CNTLN: variants seen among roughly 807,000 people sequenced by gnomAD.
CNTLN encodes centlein, centrosomal protein.
Under a neutral mutation model 180.0 loss-of-function variants are expected in CNTLN, and 212 were observed. The ratio of observed to expected loss-of-function variants is 1.18; its 90% CI spans 1.05 to 1.32. The LOEUF (loss-of-function observed/expected upper bound fraction) is 1.32, where lower values mean the gene tolerates loss of function less well. CNTLN is among the 40% of genes most tolerant of loss of function. CNTLN has a pLI of 0.00. For synonymous variants in CNTLN, 722 were observed against 563.1 expected (o/e 1.28, Z -3.99); for missense variants, 2,095 against 1,610.9 (o/e 1.30, Z -5.14).
intron 8 of CNTLN, among the ~76,000 whole-genome samples, chr9:17,329,693 A>T (rs957525478): frequency 6.6e-6 from 1 of 151,846 alleles, no homozygotes; most frequent in Non-Finnish European, 1.5e-5. Context: ...GAAAAGGATG[A>T]TGTTTCCCAT....
intron 18 of CNTLN, among the ~76,000 whole-genome samples, chr9:17,422,584 A>G (rs1273333338): frequency 6.6e-6 from 1 of 152,144 alleles, no homozygotes; most frequent in Non-Finnish European, 1.5e-5. Context: ...TATTTTTGTT[A>G]AATATCTCTG....
chr9:17,396,923 GTTC>G (rs1826572249), intron 15 of CNTLN, among the ~76,000 whole-genome samples: 1 of 152,126 alleles, frequency 6.6e-6, no homozygotes. Flanking sequence ...TGTTACCGAG[GTTC>G]TTCTTTCCTT....
At chr9:17,419,453 T>C (rs1405834962) in intron 18 of CNTLN, among the ~76,000 whole-genome samples, 1 of 152,164 alleles carries the variant, frequency 6.6e-6, no homozygotes, top group African/African-American at 2.4e-5. Flanking sequence ...AGCCCCATTC[T>C]TCAGAGCTCC....
intron 23 of CNTLN, among the ~76,000 whole-genome samples, chr9:17,475,856 G>GAGCA (rs1219334066): frequency 7.7e-6 from 1 of 130,164 alleles, no homozygotes; most frequent in Non-Finnish European, 1.6e-5. Context: ...CTGGGTGACA[G>GAGCA]AGCAAGACTC....
chr9:17,334,791 C>A (rs1411899888), intron 10 of CNTLN, among the ~76,000 whole-genome samples: 1 of 151,872 alleles, frequency 6.6e-6, no homozygotes, highest in Non-Finnish European at 1.5e-5. Flanking sequence ...GGGCTATAAA[C>A]CTTCTTATTG....
rs529820679 is a variant in CNTLN at position 17,310,944 on chromosome 9, A to C, written c.1341+1692A>C. On this transcript the variant is annotated intron_variant, in intron 8 of 25. Coordinates refer to ENST00000380647, the MANE Select transcript of CNTLN (RefSeq NM_017738.4). ...TCTTAATATTAATCCCTAGTAAGTT[A>C]ATATATGGCAGATATCTCACTGTGT... Among the ~76,000 whole-genome samples, 68 of 152,224 alleles carry C rather than the reference A, an allele frequency of 4.5e-4. 1 individual carries two copies. Among genetic ancestry groups the C allele is most frequent in the African/African-American group, 1.6e-3 (67 of 41,558 alleles).
chr9:17,526,791 G>A, the CNTLN span, among the ~76,000 whole-genome samples: 2 of 152,028 alleles, frequency 1.3e-5, no homozygotes, highest in African/African-American at 4.8e-5. Flanking sequence ...TGATTATCAT[G>A]CTTTACAAAC....
chr9:17,307,894 G>A (rs1025998933), intron 7 of CNTLN, among the ~76,000 whole-genome samples: 14 of 151,314 alleles, frequency 9.3e-5, no homozygotes, highest in Admixed American at 2.6e-4. Flanking sequence ...AAAACTTACC[G>A]TAGCTGTATA....
intron 12 of CNTLN, among the ~76,000 whole-genome samples, chr9:17,343,186 AGC>A (rs1821621372): frequency 6.6e-6 from 1 of 152,228 alleles, no homozygotes; most frequent in South Asian, 2.1e-4. Flanking sequence ...TATTATATTC[AGC>A]CTGGCAAAGA....
intron 3 of CNTLN, among the ~76,000 whole-genome samples, chr9:17,229,030 A>G (rs16935412): frequency 0.083 from 12,684 of 152,070 alleles, 706 homozygotes; most frequent in East Asian, 0.18. Flanking sequence ...AGATGTGGGT[A>G]TTTAATAGTT....
In CNTLN at chr9:17,340,944, G is replaced by A. The variant is rs1472693834; in HGVS notation, c.1762G>A (p.Gly588Ser). ...EQLKQWEEGS[G>S]MTEIRKIKRA... ...ATTAAAACAGTGGGAAGAAGGCAGT[G>A]GCATGTGAGTTACATAGCTCATAAA... The change falls in exon 11 of 26, where the codon GGC becomes AGC. Residue 588 changes from glycine (G) to serine (S), a missense_variant. Gly to Ser is a moderately conservative substitution (Grantham distance 56). Transcript: ENST00000380647. 2 of 1,607,850 alleles carry A rather than the reference G, an allele frequency of 1.2e-6. No homozygotes were observed. The highest frequency in any genetic ancestry group is 3.4e-5 in the Admixed American group (2 of 59,246).
chr9:17,187,854 C>T (rs1452366348), intron 2 of CNTLN, among the ~76,000 whole-genome samples: 1 of 151,304 alleles, frequency 6.6e-6, no homozygotes, highest in Non-Finnish European at 1.5e-5. Flanking sequence ...AATATGTAAC[C>T]AGAAGCAGTT....
chr9:17,432,765 A>G (rs1023556294), intron 18 of CNTLN, among the ~76,000 whole-genome samples: 2 of 152,150 alleles, frequency 1.3e-5, no homozygotes, highest in Non-Finnish European at 2.9e-5. Context: ...CATGCCTGTA[A>G]TCTCAGCACT....
chr9:17,427,813 T>A (rs1027454462), intron 18 of CNTLN, among the ~76,000 whole-genome samples: 2 of 152,182 alleles, frequency 1.3e-5, no homozygotes, highest in African/African-American at 4.8e-5. Flanking sequence ...ATCTTTCCTC[T>A]TGTCTCAGAT....
At chr9:17,518,099 G>A in the CNTLN span, among the ~76,000 whole-genome samples, 1 of 117,928 alleles carries the variant, frequency 8.5e-6, no homozygotes, top group African/African-American at 3.3e-5. Context: ...CTGGAGCACA[G>A]TGGCATGATC....
chr9:17,271,610 T>G (rs1827951294), intron 5 of CNTLN, among the ~76,000 whole-genome samples: 1 of 152,202 alleles, frequency 6.6e-6, no homozygotes, highest in African/African-American at 2.4e-5. Flanking sequence ...CAGCCTATCT[T>G]TCTTGTAGTC....
chr9:17,274,311 C>T (rs143424007), intron 6 of CNTLN, among the ~76,000 whole-genome samples: 2 of 148,002 alleles, frequency 1.4e-5, no homozygotes, highest in African/African-American at 5.3e-5. Context: ...AGTTGGATTA[C>T]TTGAAAAAGG....
At chr9:17,368,275 G>C (rs897014155) in intron 13 of CNTLN, among the ~76,000 whole-genome samples, 5 of 152,142 alleles carry the variant, frequency 3.3e-5, no homozygotes, top group African/African-American at 1.2e-4. Context: ...GGAAAGGGAA[G>C]GGAAGAGTGG....
intron 2 of CNTLN, chr9:17,167,410 T>TACGGCTACCACC: frequency 6.8e-6 from 1 of 146,072 alleles, no homozygotes; most frequent in Non-Finnish European, 1.5e-5. Flanking sequence ...GATTTTCTTT[T>TACGGCTACCACC]GAGATCCACA....
Sources: gnomAD v4.1 joint callset for allele counts (sites outside exome capture counted in the v4.1 genomes callset) on GRCh38, gnomAD v4.1.1 for gene constraint, MANE v1.5 for transcripts, NCBI Gene and HGNC (gene_info 2026-07-23, HGNC 2026-07-21) for gene names.